Variants in TRPC5 observed in about 807,000 individuals in gnomAD.
TRPC5 encodes the protein short transient receptor potential channel 5.
Under a neutral mutation model 56.5 loss-of-function variants are expected in TRPC5, and 9 were observed. The observed-to-expected ratio is 0.16, with a 90% CI of 0.10 to 0.28. The LOEUF (loss-of-function observed/expected upper bound fraction) is 0.28, where lower values mean the gene tolerates loss of function less well. TRPC5 is among the 10% of genes least tolerant of loss of function. TRPC5 has a pLI of 1.00. For missense variants in TRPC5, 469 were observed against 748.9 expected (o/e 0.63, Z 4.36); for synonymous variants, 282 against 278.5 (o/e 1.01, Z -0.13).
chrX:112,045,442 C>T (rs1334146136), intron 1 of TRPC5, among the ~76,000 whole-genome samples: 1 of 111,697 alleles, frequency 9.0e-6, no homozygotes, highest in Non-Finnish European at 1.9e-5. Context: ...GTGGTACTGA[C>T]TTTGAACTTC....
chrX:111,852,824 G>A lies in TRPC5; in HGVS notation c.1238-387C>T, dbSNP rs370379630. On this transcript the variant is annotated intron_variant, in intron 4 of 10. Coordinates refer to ENST00000262839, the MANE Select transcript of TRPC5 (RefSeq NM_012471.3). The stretch of plus-strand genomic sequence containing the variant: ...TAGTCCTTAGTTTCCACTGGGTTCA[G>A]GAAAGAGAACTTCTCAATGTGTTTT... 1.1e-4 allele frequency among the ~76,000 whole-genome samples: 12 copies of A among 111,761 alleles called. No individual in the cohort carries two copies. In the East Asian group the frequency reaches 2.8e-3, roughly 26 times the overall value.
intron 3 of TRPC5, among the ~76,000 whole-genome samples, chrX:111,901,323 T>C (rs1925333602): frequency 9.0e-6 from 1 of 111,149 alleles, no homozygotes; most frequent in African/African-American, 3.3e-5. Flanking sequence ...CTCACTTTTC[T>C]CCCAAATCTC....
rs1393910490 is a variant in TRPC5, at chrX:111,775,564, AAGTT to A, written c.*745_*748del. ...ATACTATCAAATTTTCAAATGTAGT[AAGTT>A]AACTGAAACACACAAACAGAAAAAT... On this transcript the variant is annotated 3_prime_UTR_variant, in exon 11 of 11. Transcript: ENST00000262839. The A allele has an allele frequency of 1.8e-5, 2 of 111,478 alleles. No homozygotes were observed. Among genetic ancestry groups the A allele is most frequent in the African/African-American group, 6.6e-5 (2 of 30,205 alleles). The allele number at this position is 111,478 out of a possible 1,213,427, so 9.2% of individuals were successfully genotyped here. A position where few individuals can be genotyped will look rare whatever the true frequency, so the allele number is the denominator to read the frequency against.
At chrX:112,059,592 A>G (rs1930415888) in intron 1 of TRPC5, among the ~76,000 whole-genome samples, 1 of 112,062 alleles carries the variant, frequency 8.9e-6, no homozygotes, top group African/African-American at 3.2e-5. Context: ...AGGTGTAGAA[A>G]GGAGAGGCCA....
chrX:111,915,061 TTCTCTC>T (rs34462597), intron 2 of TRPC5, among the ~76,000 whole-genome samples: 1 of 107,086 alleles, frequency 9.3e-6, no homozygotes, highest in African/African-American at 3.4e-5. Flanking sequence ...CTCGCTCTCT[TTCTCTC>T]TCTCTCTCTC....
intron 1 of TRPC5, among the ~76,000 whole-genome samples, chrX:112,044,238 G>A (rs1308690751): frequency 9.0e-6 from 1 of 111,710 alleles, no homozygotes; most frequent in East Asian, 2.8e-4. Context: ...GTGCCTGAAG[G>A]GTACTGGGTC....
At chrX:111,966,685 C>A (rs1248956142) in intron 1 of TRPC5, among the ~76,000 whole-genome samples, 1 of 111,698 alleles carries the variant, frequency 9.0e-6, no homozygotes, top group African/African-American at 3.3e-5. Context: ...ATATGCAAAT[C>A]AATAAATGTA....
At chrX:111,867,817 A>G (rs1299187797) in intron 3 of TRPC5, among the ~76,000 whole-genome samples, 2 of 112,271 alleles carry the variant, frequency 1.8e-5, no homozygotes, top group Non-Finnish European at 3.8e-5. Context: ...TCCCCGCCGT[A>G]GCATCCCCAA....
At chrX:111,800,838 G>A (rs1921284867) in intron 7 of TRPC5, among the ~76,000 whole-genome samples, 2 of 110,755 alleles carry the variant, frequency 1.8e-5, no homozygotes, top group African/African-American at 3.3e-5. Context: ...TCAAGAGTAG[G>A]CTATTAGTGT....
At chrX:111,998,980 G>A (rs1317084607) in intron 1 of TRPC5, among the ~76,000 whole-genome samples, 14 of 111,851 alleles carry the variant, frequency 1.3e-4, no homozygotes, top group Admixed American at 9.5e-4. Flanking sequence ...GAACATGCAA[G>A]TTTTTTACCT....
intron 1 of TRPC5, among the ~76,000 whole-genome samples, chrX:111,991,819 A>G (rs770968512): frequency 2.7e-5 from 3 of 112,180 alleles, no homozygotes; most frequent in Non-Finnish European, 1.9e-5. Flanking sequence ...AAAAGCTTAT[A>G]AATACCAAGC....
At chrX:111,982,829 T>C (rs1928117116) in intron 1 of TRPC5, among the ~76,000 whole-genome samples, 1 of 111,284 alleles carries the variant, frequency 9.0e-6, no homozygotes, top group African/African-American at 3.3e-5. Context: ...CTAGGGGTAA[T>C]AATGAGCGAT....
At chrX:111,899,806 T>G (rs780614597) in intron 3 of TRPC5, among the ~76,000 whole-genome samples, 7 of 111,784 alleles carry the variant, frequency 6.3e-5, no homozygotes, top group South Asian at 7.5e-4. Flanking sequence ...TCTCTCCATA[T>G]TTTCTTACAT....
chrX:111,875,032 G>A (rs1240557741), intron 3 of TRPC5, among the ~76,000 whole-genome samples: 1 of 112,022 alleles, frequency 8.9e-6, no homozygotes, highest in African/African-American at 3.2e-5. Context: ...TTTATTAATA[G>A]TATGCCTTTG....
chrX:111,847,088 A>T (rs1389655917), intron 6 of TRPC5, 26 bp downstream of exon 6: 1 of 1,160,052 alleles, frequency 8.6e-7, no homozygotes, highest in African/African-American at 1.8e-5. Context: ...AAAAATAAAT[A>T]AATAAAGGAA....
chrX:111,859,978 A>G (rs752811246), intron 3 of TRPC5, among the ~76,000 whole-genome samples: 27 of 113,013 alleles, frequency 2.4e-4, no homozygotes, highest in Admixed American at 8.4e-4. Flanking sequence ...GCGAGATCTC[A>G]GCTCACTGCA....
At chrX:111,926,929 G>A (rs1376142064) in intron 2 of TRPC5, among the ~76,000 whole-genome samples, 1 of 112,156 alleles carries the variant, frequency 8.9e-6, no homozygotes, top group Non-Finnish European at 1.9e-5. Context: ...AAAAGAGAGG[G>A]TTCTCAGTAT....
Position 111,796,006 on chromosome X carries a change from C to A in TRPC5, c.1897-13868G>T, listed in dbSNP as rs991111425. Among the ~76,000 whole-genome samples the A allele has an allele frequency of 1.0e-4, 11 of 110,011 alleles. No homozygotes were observed. The South Asian group carries it at 1.6e-3, about 16-fold the overall frequency. On this transcript the variant is annotated intron_variant, in intron 7 of 10. Coordinates refer to ENST00000262839, the MANE Select transcript of TRPC5 (RefSeq NM_012471.3). ...TTGAGGTTCTGTTCAATTTTCTTCA[C>A]CCTTTTTTCTTTCTGTTCCCCAGAC...
At chrX:111,948,386 A>G (rs1926983815) in intron 2 of TRPC5, among the ~76,000 whole-genome samples, 1 of 111,355 alleles carries the variant, frequency 9.0e-6, no homozygotes, top group Non-Finnish European at 1.9e-5. Context: ...GTGTTGGGGT[A>G]CAGAAAATAA....
Sources: gnomAD v4.1 joint callset for allele counts (sites outside exome capture counted in the v4.1 genomes callset) on GRCh38, gnomAD v4.1.1 for gene constraint, MANE v1.5 for transcripts, NCBI Gene and HGNC (gene_info 2026-07-23, HGNC 2026-07-21) for gene names.